COL25A1: variants seen among roughly 807,000 people sequenced by gnomAD.
COL25A1 encodes collagen alpha-1(XXV) chain.
In COL25A1, 103 loss-of-function variants were observed where a neutral mutation model predicts 128.4. The ratio of observed to expected loss-of-function variants is 0.80; its 90% CI spans 0.68 to 0.94. The LOEUF (loss-of-function observed/expected upper bound fraction) is 0.94. Among genes scored for constraint, COL25A1 ranks in the 40% least tolerant of loss-of-function variants. COL25A1 has a pLI of 0.00. For missense variants in COL25A1, 745 were observed against 840.0 expected, an observed-to-expected ratio of 0.89 and a Z score of 1.40; for synonymous variants, 279 against 277.2, an observed-to-expected ratio of 1.01 and a Z score of -0.06.
rs541571323 is a variant in COL25A1, at chr4:109,159,634, A to G, written c.368-109455T>C. ...TACAGAATGAATAAAAGGAAAAAGA[A>G]AGAGCTATGAAGAACATTAATCATG... On this transcript the variant is annotated intron_variant, in intron 3 of 37. Coordinates refer to ENST00000399132, the MANE Select transcript of COL25A1 (RefSeq NM_198721.4). Among the ~76,000 whole-genome samples, 3 of 152,334 alleles carry G rather than the reference A, an allele frequency of 2.0e-5. No homozygotes were observed. In the East Asian group the frequency reaches 5.8e-4, roughly 29 times the overall value.
chr4:109,164,562 C>T (rs1772890893), intron 3 of COL25A1, among the ~76,000 whole-genome samples: 1 of 152,066 alleles, frequency 6.6e-6, no homozygotes, highest in Non-Finnish European at 1.5e-5. Flanking sequence ...GTTGGTTACT[C>T]CAACTAGTGC....
intron 3 of COL25A1, among the ~76,000 whole-genome samples, chr4:109,077,440 C>G (rs771868149): frequency 5.9e-5 from 9 of 151,954 alleles, no homozygotes; most frequent in South Asian, 2.1e-4. Context: ...ACCACCCCCC[C>G]GCCCCCAACA....
rs113527039 is a variant in COL25A1 at position 108,862,056 on chromosome 4, T to C, written c.1197+445A>G. On this transcript the variant is annotated intron_variant, in intron 22 of 37. Coordinates refer to ENST00000399132, the MANE Select transcript of COL25A1 (RefSeq NM_198721.4). The stretch of plus-strand genomic sequence containing the variant: ...CTGACAGTATATATGTTATTGCAGA[T>C]AGTATAAAGAGTATGATATAGAGGA... 2.1e-3 allele frequency among the ~76,000 whole-genome samples: 318 copies of C among 152,268 alleles called. 1 individual carries two copies. The highest frequency in any genetic ancestry group is 7.4e-3 in the African/African-American group (306 of 41,554).
At chr4:109,144,512 A>G (rs1331497700) in intron 3 of COL25A1, among the ~76,000 whole-genome samples, 1 of 152,156 alleles carries the variant, frequency 6.6e-6, no homozygotes, top group Non-Finnish European at 1.5e-5. Flanking sequence ...CCCTTCCCCC[A>G]GGTGTTCTGT....
intron 5 of COL25A1, among the ~76,000 whole-genome samples, chr4:109,012,888 G>A (rs147845856): frequency 1.8e-4 from 27 of 152,238 alleles, no homozygotes; most frequent in African/African-American, 4.8e-4. Context: ...GGGCAGCTCC[G>A]CCAGCAGCCC....
At chr4:109,032,855 G>C (rs770029069) in intron 5 of COL25A1, among the ~76,000 whole-genome samples, 1 of 152,152 alleles carries the variant, frequency 6.6e-6, no homozygotes, top group Admixed American at 6.5e-5. Flanking sequence ...CAGCATGCTC[G>C]GAGTCTACTG....
chr4:108,852,857 C>A, intron 25 of COL25A1, 45 bp downstream of exon 25: 1 of 1,568,676 alleles, frequency 6.4e-7, no homozygotes, highest in East Asian at 2.3e-5. Context: ...GCATCAACAC[C>A]AAATACAAAA....
chr4:109,132,477 G>C (rs1277935140), intron 3 of COL25A1, among the ~76,000 whole-genome samples: 1 of 151,998 alleles, frequency 6.6e-6, no homozygotes, highest in Admixed American at 6.6e-5. Flanking sequence ...CAATATATAA[G>C]AGAATTTTAA....
chr4:109,276,584 G>A (rs560938044), intron 3 of COL25A1, among the ~76,000 whole-genome samples: 1 of 152,158 alleles, frequency 6.6e-6, no homozygotes, highest in Non-Finnish European at 1.5e-5. Flanking sequence ...GCCTTAGCAG[G>A]ATCTCCAACA....
At chr4:109,111,244 A>C (rs1469874828) in intron 3 of COL25A1, among the ~76,000 whole-genome samples, 1 of 152,198 alleles carries the variant, frequency 6.6e-6, no homozygotes, top group Non-Finnish European at 1.5e-5. Context: ...TGACAGCTTT[A>C]CAACAACTGT....
chr4:108,903,195 TCTC>T (rs1269802381), intron 13 of COL25A1, among the ~76,000 whole-genome samples: 1 of 151,998 alleles, frequency 6.6e-6, no homozygotes, highest in Non-Finnish European at 1.5e-5. Flanking sequence ...GAAAGTTTGA[TCTC>T]CTTTTTTTCT....
chr4:109,104,270 T>C (rs1766181620), intron 3 of COL25A1, among the ~76,000 whole-genome samples: 2 of 151,736 alleles, frequency 1.3e-5, no homozygotes, highest in South Asian at 4.2e-4. Context: ...CTACTTGGGA[T>C]GCTGAGGTGG....
At chr4:109,212,061 T>C (rs949701753) in intron 3 of COL25A1, among the ~76,000 whole-genome samples, 1 of 152,120 alleles carries the variant, frequency 6.6e-6, no homozygotes, top group African/African-American at 2.4e-5. Context: ...TCTCTAGTCA[T>C]GACTCATAGA....
At chr4:108,963,538 G>A (rs1337570471) in intron 8 of COL25A1, among the ~76,000 whole-genome samples, 1 of 152,022 alleles carries the variant, frequency 6.6e-6, no homozygotes, top group East Asian at 1.9e-4. Flanking sequence ...TTTAGCATAT[G>A]CTTCCATTGT....
At chr4:108,924,130 A>C (rs1745771508) in intron 11 of COL25A1, among the ~76,000 whole-genome samples, 1 of 152,180 alleles carries the variant, frequency 6.6e-6, no homozygotes, top group South Asian at 2.1e-4. Context: ...TATAAATTGT[A>C]AAAACTTTTA....
At chr4:108,980,620 G>A (rs1327278101) in intron 6 of COL25A1, among the ~76,000 whole-genome samples, 1 of 152,236 alleles carries the variant, frequency 6.6e-6, no homozygotes, top group Non-Finnish European at 1.5e-5. Flanking sequence ...TTGAGCAGAA[G>A]CAGCACAGAG....
chr4:108,901,933 G>A (rs537807730), intron 13 of COL25A1, among the ~76,000 whole-genome samples: 3 of 151,960 alleles, frequency 2.0e-5, no homozygotes, highest in Non-Finnish European at 4.4e-5. Flanking sequence ...GATACTTTGG[G>A]CCTTTATGCT....
At chr4:109,169,457 C>A (rs764492626) in intron 3 of COL25A1, among the ~76,000 whole-genome samples, 1 of 152,140 alleles carries the variant, frequency 6.6e-6, no homozygotes, top group African/African-American at 2.4e-5. Context: ...TCTTTGATGG[C>A]AAAGACCATG....
chr4:108,863,836 C>T (rs904472676), intron 20 of COL25A1, among the ~76,000 whole-genome samples: 16 of 152,172 alleles, frequency 1.1e-4, no homozygotes, highest in Admixed American at 7.9e-4. Context: ...GGTTCTCTGG[C>T]CTTTGGATTT....
Sources: allele counts gnomAD v4.1 joint callset (sites outside exome capture counted in the v4.1 genomes callset), GRCh38; gene constraint gnomAD v4.1.1; transcripts MANE v1.5; gene names NCBI Gene and HGNC (gene_info 2026-07-23, HGNC 2026-07-21).